MED12L: variants seen among roughly 807,000 people sequenced by gnomAD.
MED12L encodes mediator complex subunit 12L, also known as mediator of RNA polymerase II transcription subunit 12-like protein.
Under a neutral mutation model 281.3 loss-of-function variants are expected in MED12L, and 60 were observed. The ratio of observed to expected loss-of-function variants is 0.21; its 90% CI spans 0.17 to 0.26. MED12L has a LOEUF of 0.26. MED12L is among the 10% of genes least tolerant of loss of function. MED12L has a pLI of 1.00. For synonymous variants in MED12L, 974 were observed against 987.2 expected (o/e 0.99, Z 0.25); for missense variants, 2,146 against 2,680.9 (o/e 0.80, Z 4.41).
intron 16 of MED12L, chr3:151,212,466 T>C (rs1727325260): frequency 6.6e-6 from 1 of 152,234 alleles, no homozygotes; most frequent in Non-Finnish European, 1.5e-5. Context: ...ATATATGTTC[T>C]ACGGTGTGGG....
At chr3:151,294,741 T>C (rs1744835058) in intron 16 of MED12L, 1 of 1,614,156 alleles carries the variant, frequency 6.2e-7, no homozygotes, top group African/African-American at 1.3e-5. Context: ...AAAACAGCCA[T>C]GATCACCCAA....
At chr3:151,132,481 G>T (rs1354579708) in intron 5 of MED12L, among the ~76,000 whole-genome samples, 1 of 152,138 alleles carries the variant, frequency 6.6e-6, no homozygotes, top group African/African-American at 2.4e-5. Flanking sequence ...CTCATTAATA[G>T]ATTTAAGTTA....
chr3:151,219,891 ACC>A (rs141293857), intron 16 of MED12L, among the ~76,000 whole-genome samples: 60,919 of 92,618 alleles, frequency 0.66, 19,402 homozygotes, highest in South Asian at 0.73. Flanking sequence ...GGTTTATATT[ACC>A]CCCCCCCCCC....
chr3:151,316,359 G>A (rs1487078996), intron 16 of MED12L: 3 of 152,108 alleles, frequency 2.0e-5, no homozygotes, highest in African/African-American at 7.2e-5. Flanking sequence ...CCAAAACATT[G>A]TTTCTACTTT....
chr3:151,086,008 C>A (rs1025692864), intron 1 of MED12L, 72 bp downstream of exon 1: 4 of 152,438 alleles, frequency 2.6e-5, no homozygotes, highest in Non-Finnish European at 5.9e-5. Flanking sequence ...GCTGGAGGAG[C>A]CCGAGACGCC....
intron 16 of MED12L, among the ~76,000 whole-genome samples, chr3:151,207,158 A>G (rs1015471965): frequency 6.6e-6 from 1 of 151,860 alleles, no homozygotes; most frequent in African/African-American, 2.4e-5. Flanking sequence ...CCTTGGCTCA[A>G]GCAATCCTGT....
At chr3:151,108,737 T>A (rs1381492298) in intron 2 of MED12L, among the ~76,000 whole-genome samples, 1 of 151,910 alleles carries the variant, frequency 6.6e-6, no homozygotes, top group East Asian at 1.9e-4. Flanking sequence ...AAATTGGGAG[T>A]TTCTGCGCAT....
intron 16 of MED12L, among the ~76,000 whole-genome samples, chr3:151,348,364 GAAAAA>G (rs55814320): frequency 8.3e-6 from 1 of 120,054 alleles, no homozygotes; most frequent in Admixed American, 8.7e-5. Flanking sequence ...AAAAAAAAAA[GAAAAA>G]AGAAATATAT....
intron 16 of MED12L, among the ~76,000 whole-genome samples, chr3:151,258,237 C>A (rs1738195444): frequency 6.6e-6 from 1 of 152,178 alleles, no homozygotes. Flanking sequence ...CTAGCTCGGG[C>A]ATAATCAAGT....
intron 16 of MED12L, chr3:151,294,192 A>G: frequency 6.2e-7 from 1 of 1,602,648 alleles, no homozygotes; most frequent in Non-Finnish European, 8.5e-7. Flanking sequence ...TAATCATAAT[A>G]TATGCGAACT....
intron 43 of MED12L, among the ~76,000 whole-genome samples, chr3:151,418,912 G>A (rs975108836): frequency 4.6e-5 from 7 of 151,954 alleles, no homozygotes; most frequent in African/African-American, 9.7e-5. Flanking sequence ...GTACAGATAC[G>A]TGAGATTTCG....
chr3:151,278,727 T>C (rs528123062), intron 16 of MED12L, among the ~76,000 whole-genome samples: 1 of 152,320 alleles, frequency 6.6e-6, no homozygotes, highest in South Asian at 2.1e-4. Flanking sequence ...TAAGATATGG[T>C]TCTTTCTGAA....
intron 16 of MED12L, among the ~76,000 whole-genome samples, chr3:151,293,304 T>A (rs1744507580): frequency 6.6e-6 from 1 of 152,220 alleles, no homozygotes; most frequent in African/African-American, 2.4e-5. Flanking sequence ...TCACGTGTGT[T>A]TGACTGTTAA....
At chr3:151,302,629 A>G (rs1403127573) in intron 16 of MED12L, among the ~76,000 whole-genome samples, 2 of 152,172 alleles carry the variant, frequency 1.3e-5, no homozygotes, top group Non-Finnish European at 2.9e-5. Flanking sequence ...GGTTTAACCA[A>G]ACTGCAGACT....
intron 16 of MED12L, chr3:151,317,064 A>G (rs908004762): frequency 6.6e-6 from 1 of 152,086 alleles, no homozygotes; most frequent in South Asian, 2.1e-4. Context: ...CCAGCCTCCT[A>G]TTGCTATCTA....
chr3:151,232,444 C>G (rs141250408), intron 16 of MED12L, among the ~76,000 whole-genome samples: 3 of 152,084 alleles, frequency 2.0e-5, no homozygotes, highest in Admixed American at 6.6e-5. Flanking sequence ...GGGTATAAAC[C>G]CAGAGGAATA....
chr3:151,317,543 C>T (rs1462741728), intron 16 of MED12L, among the ~76,000 whole-genome samples: 4 of 147,090 alleles, frequency 2.7e-5, no homozygotes, highest in African/African-American at 7.6e-5. Flanking sequence ...CTCCACCTCC[C>T]GGATTCAAGT....
intron 16 of MED12L, chr3:151,338,181 C>G: frequency 1.2e-6 from 2 of 1,614,084 alleles, no homozygotes; most frequent in Non-Finnish European, 1.7e-6. Flanking sequence ...ACCCCTCGTT[C>G]TTACGTATGA....
rs527457871 is a variant in MED12L at position 151,434,562 on chromosome 3, A to G, written c.*1758A>G. On this transcript the variant is annotated 3_prime_UTR_variant, in exon 45 of 45. Transcript: ENST00000687756. ...CTGTACACATTTTTGCTGGTTTTGT[A>G]TATCAGATTTTTTCCTCTCAAGAAA... 101 of 152,364 alleles carry G rather than the reference A, an allele frequency of 6.6e-4. No homozygotes were observed. The highest frequency in any genetic ancestry group is 1.2e-3 in the Non-Finnish European group (84 of 68,034). The allele number at this position is 152,364 out of a possible 1,614,324, so 9.4% of individuals were successfully genotyped here.
Sources: allele counts gnomAD v4.1 joint callset (sites outside exome capture counted in the v4.1 genomes callset), GRCh38; gene constraint gnomAD v4.1.1; transcripts MANE v1.5; gene names NCBI Gene and HGNC (gene_info 2026-07-23, HGNC 2026-07-21).